ODF2: variants seen among roughly 807,000 people sequenced by gnomAD.
ODF2 encodes outer dense fiber protein 2.
A neutral mutation model predicts 110.2 loss-of-function variants in ODF2; 47 were observed. The observed-to-expected ratio is 0.43, with a 90% CI of 0.34 to 0.54. The LOEUF (loss-of-function observed/expected upper bound fraction) is 0.54. Among genes scored for constraint, ODF2 ranks in the 20% least tolerant of loss-of-function variants. ODF2 has a pLI of 0.03. For missense variants in ODF2, 812 were observed against 1,054.5 expected (o/e 0.77, Z 3.19); for synonymous variants, 352 against 397.7 (o/e 0.89, Z 1.37).
At chr9:128,460,614 C>G (rs974619371) in intron 3 of ODF2, 1 of 1,614,106 alleles carries the variant, frequency 6.2e-7, no homozygotes, top group African/African-American at 1.3e-5. Context: ...GAGAACACCC[C>G]TGTCCACGTC....
exon 16 of ODF2, chr9:128,492,799 T>C: frequency 6.2e-7 from 1 of 1,613,296 alleles, no homozygotes; most frequent in Non-Finnish European, 8.5e-7. Flanking sequence ...ACAAAGAGAT[T>C]GAGGCGGTAC....
In ODF2 at chr9:128,469,359, G is replaced by A; in HGVS notation, c.420+6G>A. The A allele has an allele frequency of 6.2e-7, 1 of 1,613,920 alleles. No homozygotes were observed. The highest frequency in any genetic ancestry group is 8.5e-7 in the Non-Finnish European group (1 of 1,179,808). The stretch of plus-strand genomic sequence containing the variant: ...TTGGTTGTCTGAAGTCTGAGGTGAG[G>A]GAGGTAGGGGGCTGGGATAGCTACT... On this transcript the variant is annotated splice_donor_region_variant and intron_variant, in intron 5 of 20. Transcript: ENST00000604420.
chr9:128,455,683 G>GAA (rs1834626564), upstream of ODF2, among the ~76,000 whole-genome samples: 5 of 150,872 alleles, frequency 3.3e-5, no homozygotes, highest in South Asian at 1.0e-3. Context: ...GCAGGGGAGA[G>GAA]GCCGGGGAAT....
chr9:128,470,584 C>A (rs1303572941), intron 5 of ODF2, among the ~76,000 whole-genome samples: 5 of 151,718 alleles, frequency 3.3e-5, no homozygotes, highest in Admixed American at 3.3e-4. Context: ...GATCGTACCG[C>A]TGCACTCCAG....
At chr9:128,464,392 G>T (rs889619339) in intron 4 of ODF2, among the ~76,000 whole-genome samples, 7 of 151,014 alleles carry the variant, frequency 4.6e-5, no homozygotes, top group African/African-American at 1.5e-4. Context: ...TTGACCTCGT[G>T]ATCCGCCCGC....
At chr9:128,462,301 C>A (rs1377187865) in intron 4 of ODF2, among the ~76,000 whole-genome samples, 1 of 152,052 alleles carries the variant, frequency 6.6e-6, no homozygotes, top group African/African-American at 2.4e-5. Flanking sequence ...CAGGCATGCA[C>A]CACCATCCCG....
chr9:128,467,198 C>T (rs1199500301), intron 4 of ODF2, among the ~76,000 whole-genome samples: 1 of 150,340 alleles, frequency 6.7e-6, no homozygotes, highest in African/African-American at 2.4e-5. Flanking sequence ...TATGGTATAG[C>T]CTATTGCTCC....
exon 2 of ODF2, chr9:128,457,427 G>A: frequency 6.2e-7 from 1 of 1,611,826 alleles, no homozygotes; most frequent in African/African-American, 1.3e-5. Context: ...ATCCTCAGGC[G>A]GCTCCCCCAG....
chr9:128,477,964 A>G (rs1231721753), intron 8 of ODF2, among the ~76,000 whole-genome samples: 1 of 152,036 alleles, frequency 6.6e-6, no homozygotes, highest in African/African-American at 2.4e-5. Context: ...TCATTTTGCA[A>G]TAACCTTGTC....
At chr9:128,455,945 C>CT (rs1190435664), upstream of ODF2, 3 of 1,404,366 alleles carry the variant, frequency 2.1e-6, no homozygotes, top group African/African-American at 3.0e-5. Context: ...GCCAGGCCCG[C>CT]TGGACGCGTA....
intron 8 of ODF2, among the ~76,000 whole-genome samples, chr9:128,474,904 C>T (rs906223126): frequency 6.6e-6 from 1 of 151,538 alleles, no homozygotes; most frequent in African/African-American, 2.4e-5. Flanking sequence ...GCGGAGGTTG[C>T]AGTGAGCCGA....
chr9:128,465,864 G>C (rs116230557), intron 4 of ODF2, among the ~76,000 whole-genome samples: 3,941 of 152,216 alleles, frequency 0.026, 169 homozygotes, highest in African/African-American at 0.091. Context: ...ACAGGCCCAG[G>C]AGCAATGGCT....
chr9:128,457,595 A>C (rs1016746451), intron 2 of ODF2, among the ~76,000 whole-genome samples: 3 of 152,236 alleles, frequency 2.0e-5, no homozygotes, highest in Non-Finnish European at 4.4e-5. Context: ...AGGGGGAACG[A>C]AATGTATACA....
intron 5 of ODF2, 124 bp downstream of exon 5, chr9:128,469,477 C>T: frequency 9.7e-7 from 1 of 1,032,108 alleles, no homozygotes; most frequent in South Asian, 1.4e-5. Context: ...GCAGGGTTGC[C>T]CCGGGCTTCA....
Position 128,489,034 on chromosome 9 carries a change from G to A in ODF2, c.1536+1009G>A, listed in dbSNP as rs1343776859. On this transcript the variant is annotated intron_variant, in intron 14 of 20. Transcript: ENST00000604420. ...AAGAAAAGAAAAGAAATGAGAATAA[G>A]GAAACTGAGGCTGAGAGAGAAGTCA... is the stretch of plus-strand genomic sequence containing the variant. Among the ~76,000 whole-genome samples, 5 of 152,030 alleles carry A rather than the reference G, an allele frequency of 3.3e-5. No homozygotes were observed. The East Asian group carries it at 7.7e-4, about 23-fold the overall frequency.
chr9:128,469,129 C>T (rs1839069156), intron 4 of ODF2, 54 bp from the exon 5 acceptor site: 5 of 1,561,588 alleles, frequency 3.2e-6, no homozygotes, highest in South Asian at 2.3e-5. Flanking sequence ...TGGTGGAACT[C>T]GTGGTCAAGG....
intron 18 of ODF2, among the ~76,000 whole-genome samples, chr9:128,497,296 G>A (rs530305557): frequency 6.6e-6 from 1 of 150,512 alleles, no homozygotes; most frequent in Admixed American, 6.7e-5. Context: ...TCTCTAAGAG[G>A]TAGGCAAGAG....
chr9:128,500,468 G>C (rs1308727889), exon 21 of ODF2: 1 of 542,654 alleles, frequency 1.8e-6, no homozygotes, highest in Non-Finnish European at 3.3e-6. Flanking sequence ...TCACCTGTTG[G>C]AAGTGTTAAA....
Position 128,482,965 on chromosome 9 carries a change from A to AGCTC in ODF2, c.987+82_987+85dup, listed in dbSNP as rs1006585105. The AGCTC allele has an allele frequency of 2.7e-6, 3 of 1,095,440 alleles. No individual in the cohort carries two copies. In the African/African-American group the frequency reaches 4.9e-5, roughly 18 times the overall value. The allele number at this position is 1,095,440 out of a possible 1,614,324, so 67.9% of individuals were successfully genotyped here. ...GGCTGGAGTGCAATGGCGCGATCTCAGCTCGCTGCAACCTCTGCCTCCCGG... is the reference window on the plus strand; with the variant it reads ...GGCTGGAGTGCAATGGCGCGATCTCAGCTCGCTCGCTGCAACCTCTGCCTCCCGG... On this transcript the variant is annotated intron_variant, in intron 10 of 20. Transcript: ENST00000604420.
Sources: gnomAD v4.1 joint callset for allele counts (sites outside exome capture counted in the v4.1 genomes callset) on GRCh38, gnomAD v4.1.1 for gene constraint, MANE v1.5 for transcripts, NCBI Gene and HGNC (gene_info 2026-07-23, HGNC 2026-07-21) for gene names.